ADGRV1: variants seen among roughly 807,000 people sequenced by gnomAD.
ADGRV1 encodes adhesion G protein-coupled receptor V1.
ADGRV1 carries 359 observed loss-of-function variants against 596.2 expected under a neutral mutation model. That is an observed-to-expected ratio of 0.60 (90% CI 0.55 to 0.66). The LOEUF (loss-of-function observed/expected upper bound fraction) is 0.66. Ranked by LOEUF, ADGRV1 falls within the 30% of genes least tolerant of loss-of-function variation. The pLI, the probability that ADGRV1 is intolerant of heterozygous loss-of-function variation, is 0.00. For synonymous variants in ADGRV1, 2,681 were observed against 2,679.2 expected, an observed-to-expected ratio of 1.00 and a Z score of -0.02; for missense variants, 7,274 against 7,575.6, an observed-to-expected ratio of 0.96 and a Z score of 1.48.
At chr5:90,675,670 T>C (rs1040443815) in intron 24 of ADGRV1, among the ~76,000 whole-genome samples, 1 of 151,974 alleles carries the variant, frequency 6.6e-6, no homozygotes, top group African/African-American at 2.4e-5. Context: ...GGTGTGGTGG[T>C]GCAGCTACTC....
At chr5:90,566,117 G>A (rs1209686131) in intron 1 of ADGRV1, among the ~76,000 whole-genome samples, 1 of 151,898 alleles carries the variant, frequency 6.6e-6, no homozygotes, top group East Asian at 1.9e-4. Flanking sequence ...TGTGTGGGTT[G>A]TCTTTTTACT....
chr5:91,035,861 T>TATAATATATATAATATATA, intron 85 of ADGRV1, among the ~76,000 whole-genome samples: 1 of 96,400 alleles, frequency 1.0e-5, no homozygotes, highest in Non-Finnish European at 2.2e-5. Flanking sequence ...TATATATATA[T>TATAATATATATAATATATA]TATATATATA....
intron 72 of ADGRV1, among the ~76,000 whole-genome samples, chr5:90,806,563 T>G (rs1014276215): frequency 6.6e-6 from 1 of 152,208 alleles, no homozygotes; most frequent in Non-Finnish European, 1.5e-5. Flanking sequence ...TTGCAAAAAT[T>G]TTTTATGTTA....
At chr5:90,589,949 C>T (rs1278304639) in intron 1 of ADGRV1, among the ~76,000 whole-genome samples, 1 of 152,102 alleles carries the variant, frequency 6.6e-6, no homozygotes, top group African/African-American at 2.4e-5. Flanking sequence ...GATATACTCA[C>T]TTATATACAT....
At chr5:90,936,713 A>C (rs1379956039) in intron 83 of ADGRV1, among the ~76,000 whole-genome samples, 2 of 152,090 alleles carry the variant, frequency 1.3e-5, no homozygotes, top group Non-Finnish European at 2.9e-5. Flanking sequence ...TTTCCAACAA[A>C]TTTTAGCATA....
intron 88 of ADGRV1, among the ~76,000 whole-genome samples, chr5:91,153,016 A>G (rs1163459454): frequency 6.6e-6 from 1 of 152,110 alleles, no homozygotes; most frequent in Non-Finnish European, 1.5e-5. Flanking sequence ...GGTGTTTGAG[A>G]CCAGCCTGAG....
intron 86 of ADGRV1, among the ~76,000 whole-genome samples, chr5:91,090,978 T>C (rs913585771): frequency 7.2e-5 from 11 of 152,142 alleles, no homozygotes; most frequent in African/African-American, 2.7e-4. Flanking sequence ...CTTTCAAGAT[T>C]GTGTAGTTCA....
At chr5:90,601,587 A>C (rs919556335) in intron 1 of ADGRV1, among the ~76,000 whole-genome samples, 1 of 152,252 alleles carries the variant, frequency 6.6e-6, no homozygotes, top group African/African-American at 2.4e-5. Flanking sequence ...AAAATAACCA[A>C]ATAAAGTCAG....
intron 83 of ADGRV1, among the ~76,000 whole-genome samples, chr5:90,867,737 G>GA (rs1052867602): frequency 9.2e-5 from 14 of 152,178 alleles, no homozygotes; most frequent in African/African-American, 3.1e-4. Flanking sequence ...AGTAAGGCTT[G>GA]AAGACACATA....
At chr5:91,096,809 C>T (rs1293944657) in intron 86 of ADGRV1, among the ~76,000 whole-genome samples, 1 of 152,166 alleles carries the variant, frequency 6.6e-6, no homozygotes, top group East Asian at 1.9e-4. Context: ...TCACCACTAT[C>T]CATGTTTCCA....
At chr5:90,990,315 G>A (rs891857122) in intron 85 of ADGRV1, among the ~76,000 whole-genome samples, 7 of 152,064 alleles carry the variant, frequency 4.6e-5, no homozygotes, top group Non-Finnish European at 1.0e-4. Flanking sequence ...TAAATCCTAA[G>A]ATTGTACTAA....
chr5:90,657,987 G>A lies in ADGRV1; in HGVS notation c.4461G>A (p.Glu1487=). 1 of 1,613,960 alleles carries A rather than the reference G, an allele frequency of 6.2e-7. No individual in the cohort carries two copies. The highest frequency in any genetic ancestry group is 8.5e-7 in the Non-Finnish European group (1 of 1,179,864). ...TGLMQDVRSY[E]RKLTLEEIYE... ...TGATGCAGGATGTGAGGTCCTATGA[G>A]CGGAAACTGACGCTTGAAGAAATTT... The change falls in exon 21 of 90, where the codon GAG becomes GAA. Residue 1487 remains glutamate (E), a synonymous_variant. Transcript: ENST00000405460.
rs113693184 is a variant in ADGRV1 at position 90,740,232 on chromosome 5, C to T, written c.10550-4814C>T. Among the ~76,000 whole-genome samples, 19 of 152,006 alleles carry T rather than the reference C, an allele frequency of 1.2e-4. 1 individual carries two copies. The highest frequency in any genetic ancestry group is 4.6e-4 in the African/African-American group (19 of 41,480). ...TGCTGACCTGCCCTTGCTTCTTGGC[C>T]TGGAAGTGGCTGTGAAGGAGATCAC... On this transcript the variant is annotated intron_variant, in intron 50 of 89. Coordinates refer to ENST00000405460, the MANE Select transcript of ADGRV1 (RefSeq NM_032119.4).
rs1407812168 is a variant in ADGRV1 at position 90,637,929 on chromosome 5, G to A, written c.2221G>A (p.Val741Ile). 6.2e-7 allele frequency: 1 copy of A among 1,611,984 alleles called. No homozygotes were observed. The highest frequency in any genetic ancestry group is 1.1e-5 in the South Asian group (1 of 90,964). ...GDDIPEMNET[V>I]TLSLDRVNVE... ...TGACATACCGGAAATGAATGAAACT[G>A]TAACACTTTCTCTAGACAGGTAATA... The change falls in exon 11 of 90, where the codon GTA becomes ATA. Residue 741 changes from valine to isoleucine, a missense_variant. Around this residue, in one of 5 missense-constraint regions of ADGRV1, gnomAD observed 1,715 missense variants for 1,708.8 expected, o/e 1.00. Coordinates refer to ENST00000405460, the MANE Select transcript of ADGRV1 (RefSeq NM_032119.4).
At chr5:90,577,801 C>T (rs1346807381) in intron 1 of ADGRV1, among the ~76,000 whole-genome samples, 1 of 152,002 alleles carries the variant, frequency 6.6e-6, no homozygotes, top group Non-Finnish European at 1.5e-5. Flanking sequence ...GTTGAGCAGT[C>T]CTTTGTAGTT....
intron 85 of ADGRV1, among the ~76,000 whole-genome samples, chr5:91,009,925 C>A (rs764770698): frequency 3.3e-5 from 5 of 151,672 alleles, no homozygotes. Context: ...ATTATAAGTA[C>A]AAATTTCATG....
At chr5:90,741,465 C>G (rs1412328532) in intron 50 of ADGRV1, among the ~76,000 whole-genome samples, 11 of 151,862 alleles carry the variant, frequency 7.2e-5, no homozygotes, top group African/African-American at 2.7e-4. Flanking sequence ...TAATTTTTTG[C>G]CTTTATTATA....
At chr5:90,772,597 G>A (rs1757808065) in intron 59 of ADGRV1, among the ~76,000 whole-genome samples, 1 of 152,122 alleles carries the variant, frequency 6.6e-6, no homozygotes, top group African/African-American at 2.4e-5. Context: ...CTAAGTTTTT[G>A]CCAATATGTA....
Position 90,999,570 on chromosome 5 carries a change from G to T in ADGRV1, c.18152+14048G>T, listed in dbSNP as rs571757101. ...TAATTGTAAAATTGCGGGTGGCAGA[G>T]TTGTAATGATAGAGATATTCATGAG... is the stretch of plus-strand genomic sequence containing the variant. On this transcript the variant is annotated intron_variant, in intron 85 of 89. Coordinates refer to ENST00000405460, the MANE Select transcript of ADGRV1 (RefSeq NM_032119.4). Among the ~76,000 whole-genome samples the T allele has an allele frequency of 2.6e-5, 4 of 152,178 alleles. No individual in the cohort carries two copies. The South Asian group carries it at 8.3e-4, about 32-fold the overall frequency.
Sources: allele counts gnomAD v4.1 joint callset (sites outside exome capture counted in the v4.1 genomes callset), GRCh38; gene constraint gnomAD v4.1.1; regional missense constraint gnomAD v4.1.1; transcripts MANE v1.5; gene names NCBI Gene and HGNC (gene_info 2026-07-23, HGNC 2026-07-21).